Variants in PCDH15 observed in about 807,000 individuals in gnomAD.
The protein encoded by PCDH15 is protocadherin-15.
Under a neutral mutation model 178.5 loss-of-function variants are expected in PCDH15, and 129 were observed. That is an observed-to-expected ratio of 0.72 (90% CI 0.63 to 0.84). The LOEUF (loss-of-function observed/expected upper bound fraction) is 0.84, where lower values mean the gene tolerates loss of function less well. Ranked by LOEUF, PCDH15 falls within the 40% of genes least tolerant of loss-of-function variation. The probability of loss-of-function intolerance (pLI) is 0.00; values close to 1 mark genes in which losing one functional copy is unlikely to be tolerated. For synonymous variants in PCDH15, 800 were observed against 732.0 expected (o/e 1.09, Z -1.50); for missense variants, 2,230 against 2,099.9 (o/e 1.06, Z -1.21).
chr10:54,080,225 A>C (rs764548389), intron 16 of PCDH15, among the ~76,000 whole-genome samples: 95 of 152,162 alleles, frequency 6.2e-4, no homozygotes, highest in Admixed American at 1.4e-3. Context: ...GTATAATGGG[A>C]GATTAACAGC....
At chr10:54,658,187 G>A (rs923614030) in intron 2 of PCDH15, among the ~76,000 whole-genome samples, 31 of 151,984 alleles carry the variant, frequency 2.0e-4, no homozygotes, top group African/African-American at 7.5e-4. Context: ...AGGAAGGAGA[G>A]AAAGAAAGAA....
chr10:54,266,307 A>G (rs1163827135), intron 8 of PCDH15, among the ~76,000 whole-genome samples: 1 of 151,928 alleles, frequency 6.6e-6, no homozygotes, highest in East Asian at 1.9e-4. Flanking sequence ...ATGCAACGAT[A>G]GCAGTTTAAA....
At chr10:53,946,724 C>T (rs891562384) in intron 23 of PCDH15, among the ~76,000 whole-genome samples, 3 of 152,150 alleles carry the variant, frequency 2.0e-5, no homozygotes, top group Admixed American at 6.5e-5. Context: ...CTTTGGAATT[C>T]GCATGCACAA....
chr10:55,149,323 T>C (rs1239386989), intron 2 of PCDH15, among the ~76,000 whole-genome samples: 1 of 151,888 alleles, frequency 6.6e-6, no homozygotes, highest in Non-Finnish European at 1.5e-5. Context: ...AACATACATT[T>C]TCTTTATTCA....
chr10:53,824,413 TAAAAA>T (rs1291587128), intron 32 of PCDH15, among the ~76,000 whole-genome samples: 5 of 152,020 alleles, frequency 3.3e-5, no homozygotes, highest in African/African-American at 9.7e-5. Flanking sequence ...AGGAATGAAA[TAAAAA>T]AGAAATATTC....
At chr10:55,430,222 T>C (rs750408496) in intron 2 of PCDH15, among the ~76,000 whole-genome samples, 1 of 152,044 alleles carries the variant, frequency 6.6e-6, no homozygotes, top group Non-Finnish European at 1.5e-5. Context: ...GCCCTGGAGG[T>C]TGAGGCTGCA....
rs377384554 is a variant in PCDH15, at chr10:54,733,193, T to C, written c.-29+67732A>G. ...CAGATTGGAAAGAAAGCTCTCTCTATTAAAAAGAGAACATGATTATCTATG... is the reference window on the plus strand; with the variant it reads ...CAGATTGGAAAGAAAGCTCTCTCTACTAAAAAGAGAACATGATTATCTATG... On this transcript the variant is annotated intron_variant, in intron 1 of 37. Transcript: ENST00000644397. Among the ~76,000 whole-genome samples the C allele has an allele frequency of 6.6e-5, 10 of 151,604 alleles. No homozygotes were observed. The South Asian group carries it at 8.3e-4, about 13-fold the overall frequency.
chr10:53,865,544 G>A (rs1473427071), intron 27 of PCDH15, among the ~76,000 whole-genome samples: 1 of 152,136 alleles, frequency 6.6e-6, no homozygotes, highest in Admixed American at 6.6e-5. Context: ...TTCATATGTG[G>A]AATCTAATAA....
intron 16 of PCDH15, among the ~76,000 whole-genome samples, chr10:54,082,471 T>C (rs575200495): frequency 1.3e-5 from 2 of 152,270 alleles, no homozygotes; most frequent in Admixed American, 6.5e-5. Flanking sequence ...TCAACAAGAA[T>C]GCCAAGACCA....
At chr10:54,078,720 C>G (rs2094386636) in intron 17 of PCDH15, among the ~76,000 whole-genome samples, 1 of 150,976 alleles carries the variant, frequency 6.6e-6, no homozygotes, top group Non-Finnish European at 1.5e-5. Context: ...ATAACACAGA[C>G]AAGTGATTTT....
intron 17 of PCDH15, among the ~76,000 whole-genome samples, chr10:54,068,025 A>G (rs542457752): frequency 8.6e-5 from 13 of 151,910 alleles, no homozygotes; most frequent in African/African-American, 1.9e-4. Context: ...TAAATACCCA[A>G]TGCTTTCTGT....
chr10:54,678,853 C>T (rs2094840439), intron 1 of PCDH15, among the ~76,000 whole-genome samples: 1 of 152,146 alleles, frequency 6.6e-6, no homozygotes, highest in African/African-American at 2.4e-5. Flanking sequence ...AGTTGGAATT[C>T]TCCAAACTCT....
rs370671067 is a variant in PCDH15 at position 54,331,088 on chromosome 10, AAGAG to A, written c.595-1386_595-1383del. Reference sequence around the variant, plus strand: ...TGAGAGAGAAACAGAGAGAGAGAGGAAGAGAGAGAGAGTGTTCACACCCTCAACT... The same window carrying A: ...TGAGAGAGAAACAGAGAGAGAGAGGAAGAGAGAGTGTTCACACCCTCAACT... On this transcript the variant is annotated intron_variant, in intron 6 of 37. Transcript: ENST00000644397. Among the ~76,000 whole-genome samples the A allele has an allele frequency of 2.0e-4, 30 of 151,320 alleles. 1 individual carries two copies. Among genetic ancestry groups the A allele is most frequent in the Non-Finnish European group, 3.7e-4 (25 of 67,650 alleles).
chr10:54,945,349 GATGATAGATAGATAT>G (rs914549368), intron 2 of PCDH15, among the ~76,000 whole-genome samples: 239 of 102,312 alleles, frequency 2.3e-3, no homozygotes, highest in African/African-American at 8.9e-3. Flanking sequence ...TAGATAGATA[GATGATAGATAGATAT>G]ATAGATAGAT....
intron 23 of PCDH15, among the ~76,000 whole-genome samples, chr10:53,959,133 G>GTA (rs1016880097): frequency 1.2e-4 from 18 of 148,480 alleles, no homozygotes; most frequent in African/African-American, 4.4e-4. Context: ...TGCATATAGT[G>GTA]TATATATATA....
At chr10:55,480,345 G>C (rs1840153187) in intron 2 of PCDH15, among the ~76,000 whole-genome samples, 2 of 151,598 alleles carry the variant, frequency 1.3e-5, no homozygotes, top group African/African-American at 2.4e-5. Flanking sequence ...TGATTGTGCT[G>C]GCCAGAACTT....
At chr10:54,300,659 C>A (rs2060095208) in intron 8 of PCDH15, among the ~76,000 whole-genome samples, 1 of 152,132 alleles carries the variant, frequency 6.6e-6, no homozygotes, top group East Asian at 1.9e-4. Context: ...CGGATGGGGG[C>A]TTGGAGAACT....
At chr10:54,335,431 G>A (rs1289514528) in intron 6 of PCDH15, among the ~76,000 whole-genome samples, 1 of 152,156 alleles carries the variant, frequency 6.6e-6, no homozygotes, top group African/African-American at 2.4e-5. Context: ...GATATGGTTT[G>A]GGTGTGTCCT....
chr10:55,351,996 C>T (rs1844948845), intron 2 of PCDH15, among the ~76,000 whole-genome samples: 1 of 152,054 alleles, frequency 6.6e-6, no homozygotes, highest in African/African-American at 2.4e-5. Flanking sequence ...TTGCATGTAT[C>T]AATTATGTGC....
Sources: allele counts gnomAD v4.1 joint callset (sites outside exome capture counted in the v4.1 genomes callset), GRCh38; gene constraint gnomAD v4.1.1; transcripts MANE v1.5; gene names NCBI Gene and HGNC (gene_info 2026-07-23, HGNC 2026-07-21).